Variants in NKAIN2 observed in about 807,000 individuals in gnomAD.
NKAIN2 encodes sodium/potassium-transporting ATPase subunit beta-1-interacting protein 2.
A neutral mutation model predicts 32.6 loss-of-function variants in NKAIN2; 14 were observed. The observed-to-expected ratio is 0.43, with a 90% CI of 0.28 to 0.67. The LOEUF (loss-of-function observed/expected upper bound fraction) is 0.67, where lower values mean the gene tolerates loss of function less well. NKAIN2 is among the 30% of genes least tolerant of loss of function. NKAIN2 has a pLI of 0.17. For missense variants in NKAIN2, 198 were observed against 258.3 expected, an observed-to-expected ratio of 0.77 and a Z score of 1.60; for synonymous variants, 80 against 87.2, an observed-to-expected ratio of 0.92 and a Z score of 0.46.
chr6:124,217,340 A>C (rs1421512634), intron 1 of NKAIN2, among the ~76,000 whole-genome samples: 1 of 152,108 alleles, frequency 6.6e-6, no homozygotes, highest in East Asian at 1.9e-4. Flanking sequence ...TACAAATAAA[A>C]ATAAAGTTTT....
chr6:124,409,116 A>G (rs987769295), intron 3 of NKAIN2, among the ~76,000 whole-genome samples: 4 of 152,178 alleles, frequency 2.6e-5, no homozygotes, highest in African/African-American at 7.2e-5. Context: ...GGTTTTCTAG[A>G]TATACAATGA....
chr6:124,448,576 G>A (rs9320992), intron 3 of NKAIN2, among the ~76,000 whole-genome samples: 13,853 of 152,120 alleles, frequency 0.091, 1,896 homozygotes, highest in African/African-American at 0.29. Context: ...CTCCCTATGA[G>A]CCTGTTGTGA....
intron 1 of NKAIN2, among the ~76,000 whole-genome samples, chr6:123,888,512 A>G (rs936190420): frequency 1.3e-5 from 2 of 152,308 alleles, no homozygotes; most frequent in South Asian, 2.1e-4. Context: ...TTGGTGTCTT[A>G]TAAATCAGCC....
intron 3 of NKAIN2, among the ~76,000 whole-genome samples, chr6:124,498,737 C>A (rs1778166496): frequency 6.6e-6 from 1 of 151,980 alleles, no homozygotes; most frequent in Non-Finnish European, 1.5e-5. Flanking sequence ...TTTCTTTTTT[C>A]ACTGTATGTC....
chr6:123,944,952 C>A (rs1463507465), intron 1 of NKAIN2, among the ~76,000 whole-genome samples: 1 of 151,956 alleles, frequency 6.6e-6, no homozygotes, highest in Non-Finnish European at 1.5e-5. Flanking sequence ...TTACCCACCC[C>A]CAACACACAT....
intron 1 of NKAIN2, among the ~76,000 whole-genome samples, chr6:123,842,373 A>T (rs1251135430): frequency 3.9e-5 from 6 of 152,106 alleles, no homozygotes; most frequent in African/African-American, 1.4e-4. Context: ...TATGTGGTGG[A>T]GTAAAAGTAC....
intron 4 of NKAIN2, among the ~76,000 whole-genome samples, chr6:124,731,900 C>T (rs2114666292): frequency 6.6e-6 from 1 of 152,132 alleles, no homozygotes; most frequent in African/African-American, 2.4e-5. Context: ...ATAACAGTAT[C>T]TATAAAGTCC....
chr6:124,138,303 A>C (rs2114311543), intron 1 of NKAIN2, among the ~76,000 whole-genome samples: 1 of 152,314 alleles, frequency 6.6e-6, no homozygotes, highest in South Asian at 2.1e-4. Context: ...TACTCCTTCA[A>C]GAAAGGCCAT....
intron 1 of NKAIN2, among the ~76,000 whole-genome samples, chr6:123,923,144 C>CA (rs538711563): frequency 1.4e-4 from 21 of 151,092 alleles, no homozygotes; most frequent in South Asian, 4.2e-4. Flanking sequence ...AAAAAAAAGA[C>CA]AAAAAAAACC....
At chr6:124,237,662 A>C (rs971407277) in intron 1 of NKAIN2, among the ~76,000 whole-genome samples, 1 of 152,148 alleles carries the variant, frequency 6.6e-6, no homozygotes, top group Non-Finnish European at 1.5e-5. Context: ...TAGTAAGAAT[A>C]TTCTTCCTCA....
chr6:124,586,980 A>AT (rs1489598673), intron 3 of NKAIN2, among the ~76,000 whole-genome samples: 1 of 152,202 alleles, frequency 6.6e-6, no homozygotes, highest in Admixed American at 6.5e-5. Flanking sequence ...CATTTTGGAA[A>AT]AGGCAAAACT....
At chr6:124,020,040 G>T (rs911743483) in intron 1 of NKAIN2, among the ~76,000 whole-genome samples, 1 of 152,050 alleles carries the variant, frequency 6.6e-6, no homozygotes, top group Non-Finnish European at 1.5e-5. Context: ...TAATACCATT[G>T]TTCACTTTAG....
intron 1 of NKAIN2, among the ~76,000 whole-genome samples, chr6:123,868,261 A>G (rs1772684529): frequency 6.6e-6 from 1 of 152,170 alleles, no homozygotes; most frequent in South Asian, 2.1e-4. Context: ...TGTCTAACCC[A>G]TCACCATTGC....
At chr6:124,726,122 GC>G (rs1290682369) in intron 4 of NKAIN2, among the ~76,000 whole-genome samples, 2 of 152,192 alleles carry the variant, frequency 1.3e-5, no homozygotes, top group African/African-American at 2.4e-5. Context: ...GCGGCAGCGA[GC>G]CTGGGGGAGG....
At chr6:124,523,066 C>T (rs927921620) in intron 3 of NKAIN2, among the ~76,000 whole-genome samples, 5 of 92,000 alleles carry the variant, frequency 5.4e-5, no homozygotes, top group Non-Finnish European at 1.0e-4. Context: ...TGGCGTGAAC[C>T]CGGGAGGCGG....
At chr6:124,149,227 A>G (rs1787576041) in intron 1 of NKAIN2, among the ~76,000 whole-genome samples, 1 of 152,066 alleles carries the variant, frequency 6.6e-6, no homozygotes, top group African/African-American at 2.4e-5. Flanking sequence ...CAGATAGGTG[A>G]TTTGCAAATA....
intron 3 of NKAIN2, among the ~76,000 whole-genome samples, chr6:124,589,940 T>A (rs965582547): frequency 1.3e-5 from 2 of 152,206 alleles, no homozygotes; most frequent in East Asian, 3.9e-4. Context: ...TGGTTTTCTG[T>A]TCTTATTAAT....
chr6:123,917,465 C>T (rs986795814), intron 1 of NKAIN2, among the ~76,000 whole-genome samples: 127 of 152,294 alleles, frequency 8.3e-4, no homozygotes, highest in African/African-American at 3.0e-3. Context: ...AATAAACTTA[C>T]ATTCTGTCTA....
chr6:124,588,946 TC>T (rs749823666), intron 3 of NKAIN2, among the ~76,000 whole-genome samples: 75 of 152,334 alleles, frequency 4.9e-4, no homozygotes, highest in Non-Finnish European at 1.0e-3. Context: ...TTGGGTATTT[TC>T]CCGTTATGGC....
Sources: gnomAD v4.1 joint callset for allele counts (sites outside exome capture counted in the v4.1 genomes callset) on GRCh38, gnomAD v4.1.1 for gene constraint, MANE v1.5 for transcripts, NCBI Gene and HGNC (gene_info 2026-07-23, HGNC 2026-07-21) for gene names.